Variants in PHF21B observed in about 807,000 individuals in gnomAD.
PHF21B encodes the protein PHD finger protein 4.
Under a neutral mutation model 62.2 loss-of-function variants are expected in PHF21B, and 22 were observed. The observed-to-expected ratio is 0.35, with a 90% CI of 0.25 to 0.51. PHF21B has a LOEUF of 0.51. Among genes scored for constraint, PHF21B ranks in the 20% least tolerant of loss-of-function variants. The pLI is 0.97. For missense variants in PHF21B, 701 were observed against 707.9 expected (o/e 0.99, Z 0.11); for synonymous variants, 341 against 314.7 (o/e 1.08, Z -0.88).
intron 2 of PHF21B, among the ~76,000 whole-genome samples, chr22:44,923,331 C>CAAA (rs34100382): frequency 1.6e-5 from 2 of 125,108 alleles, no homozygotes. Context: ...CATACCATAT[C>CAAA]AAAAAAAAAA....
At chr22:44,952,204 G>A (rs561701003) in intron 2 of PHF21B, among the ~76,000 whole-genome samples, 6 of 152,252 alleles carry the variant, frequency 3.9e-5, no homozygotes, top group South Asian at 2.1e-4. Flanking sequence ...CTAGCTAGGC[G>A]TGGTGGCAGA....
At chr22:44,958,024 T>C (rs1340539699) in intron 2 of PHF21B, among the ~76,000 whole-genome samples, 1 of 151,934 alleles carries the variant, frequency 6.6e-6, no homozygotes, top group Non-Finnish European at 1.5e-5. Flanking sequence ...TGCCTCTGCC[T>C]CCCGAGTAGC....
intron 2 of PHF21B, among the ~76,000 whole-genome samples, chr22:44,950,537 G>A (rs73889879): frequency 1.3e-5 from 2 of 152,062 alleles, no homozygotes; most frequent in African/African-American, 4.8e-5. Context: ...TCAACTAAGT[G>A]GTGGCCTTCA....
intron 2 of PHF21B, among the ~76,000 whole-genome samples, chr22:44,922,706 A>C (rs2071559508): frequency 1.3e-5 from 2 of 152,388 alleles, no homozygotes; most frequent in East Asian, 3.9e-4. Flanking sequence ...AAAAAATTTT[A>C]AATGCCATTT....
intron 2 of PHF21B, among the ~76,000 whole-genome samples, chr22:44,974,014 C>T (rs2072689458): frequency 6.6e-6 from 1 of 152,222 alleles, no homozygotes; most frequent in Non-Finnish European, 1.5e-5. Flanking sequence ...CAGGCTGACA[C>T]TCCTCCTTGC....
intron 2 of PHF21B, among the ~76,000 whole-genome samples, chr22:44,962,698 C>T (rs185991683): frequency 9.9e-5 from 15 of 152,282 alleles, no homozygotes; most frequent in Non-Finnish European, 2.1e-4. Flanking sequence ...TCCCATATAA[C>T]CCAGCGTCTT....
chr22:44,974,930 A>C (rs950675523), intron 2 of PHF21B, among the ~76,000 whole-genome samples: 5 of 152,226 alleles, frequency 3.3e-5, no homozygotes, highest in Admixed American at 6.5e-5. Context: ...TCAAAATGAA[A>C]TGTGAATTAA....
intron 3 of PHF21B, among the ~76,000 whole-genome samples, chr22:44,918,324 C>T (rs2071475896): frequency 6.6e-6 from 1 of 152,194 alleles, no homozygotes; most frequent in Non-Finnish European, 1.5e-5. Flanking sequence ...TGACCCTGGC[C>T]GCCCACCCTA....
intron 2 of PHF21B, among the ~76,000 whole-genome samples, chr22:45,007,715 G>C (rs1313196179): frequency 3.4e-5 from 1 of 29,378 alleles, no homozygotes; most frequent in African/African-American, 1.0e-4. Flanking sequence ...GCGCGGGGAA[G>C]GGGCGGGTGT....
chr22:44,903,096 T>A (rs142757301), intron 5 of PHF21B, among the ~76,000 whole-genome samples: 40 of 152,324 alleles, frequency 2.6e-4, no homozygotes, highest in Non-Finnish European at 4.9e-4. Flanking sequence ...GTGCAATCCC[T>A]CCAGGAGACA....
intron 2 of PHF21B, among the ~76,000 whole-genome samples, chr22:44,983,945 C>A (rs2072887434): frequency 2.0e-5 from 3 of 151,684 alleles, no homozygotes; most frequent in African/African-American, 7.3e-5. Flanking sequence ...CTCTGAGGAA[C>A]TGGAGCTGGG....
intron 2 of PHF21B, among the ~76,000 whole-genome samples, chr22:44,924,340 A>G (rs1294371981): frequency 1.3e-5 from 2 of 152,192 alleles, no homozygotes; most frequent in Non-Finnish European, 2.9e-5. Flanking sequence ...GGAACATAAA[A>G]TGATACGCTT....
At chr22:44,954,511 G>C (rs1237448302) in intron 2 of PHF21B, among the ~76,000 whole-genome samples, 1 of 152,238 alleles carries the variant, frequency 6.6e-6, no homozygotes, top group African/African-American at 2.4e-5. Context: ...AGCTGGACCC[G>C]GCACTAGCCG....
At position 44,962,874 on chromosome 22, in the gene PHF21B, G is replaced by A. The variant is rs183450781; in HGVS notation, c.121-42384C>T. ...CCCGATGCATTTAGAGGCCCTACAAGAACACCTCATAGCACCAGGAATAGA... is the reference window on the plus strand; with the variant it reads ...CCCGATGCATTTAGAGGCCCTACAAAAACACCTCATAGCACCAGGAATAGA... On this transcript the variant is annotated intron_variant, in intron 2 of 12. Coordinates refer to ENST00000313237, the MANE Select transcript of PHF21B (RefSeq NM_138415.5). 2.8e-4 allele frequency among the ~76,000 whole-genome samples: 42 copies of A among 152,274 alleles called. 1 individual carries two copies. The highest frequency in any genetic ancestry group is 8.7e-4 in the African/African-American group (36 of 41,540).
intron 2 of PHF21B, among the ~76,000 whole-genome samples, chr22:44,934,409 A>G (rs1424790220): frequency 6.6e-6 from 1 of 152,232 alleles, no homozygotes; most frequent in Non-Finnish European, 1.5e-5. Context: ...TCCACATCCA[A>G]CAGAAGGGAC....
At chr22:45,002,393 T>C (rs1019870731) in intron 2 of PHF21B, among the ~76,000 whole-genome samples, 6 of 152,192 alleles carry the variant, frequency 3.9e-5, no homozygotes, top group African/African-American at 1.4e-4. Flanking sequence ...ACCCACTCAA[T>C]TGCCTTCTGG....
chr22:45,007,471 C>T (rs1809526930), intron 2 of PHF21B, among the ~76,000 whole-genome samples: 1 of 142,062 alleles, frequency 7.0e-6, no homozygotes, highest in South Asian at 2.3e-4. Flanking sequence ...GGGCCCGGAG[C>T]TGTCCAAGTT....
At chr22:44,960,672 G>C (rs544282527) in intron 2 of PHF21B, among the ~76,000 whole-genome samples, 5 of 152,220 alleles carry the variant, frequency 3.3e-5, no homozygotes, top group African/African-American at 1.2e-4. Flanking sequence ...TTAGTGGCCT[G>C]AGTAAAGCAG....
intron 3 of PHF21B, among the ~76,000 whole-genome samples, chr22:44,917,188 T>C (rs2071453276): frequency 6.6e-6 from 1 of 152,214 alleles, no homozygotes; most frequent in South Asian, 2.1e-4. Context: ...GGGCAGCCAC[T>C]GGGTGGTTCA....
Sources: gnomAD v4.1 joint callset for allele counts (sites outside exome capture counted in the v4.1 genomes callset) on GRCh38, gnomAD v4.1.1 for gene constraint, MANE v1.5 for transcripts, NCBI Gene and HGNC (gene_info 2026-07-23, HGNC 2026-07-21) for gene names.